DNAH12: variants seen among roughly 807,000 people sequenced by gnomAD.
DNAH12 encodes axonemal beta dynein heavy chain 12.
In DNAH12, 285 loss-of-function variants were observed where a neutral mutation model predicts 371.5. That is an observed-to-expected ratio of 0.77 (90% CI 0.70 to 0.85). The LOEUF is 0.85. Among genes scored for constraint, DNAH12 ranks in the 40% least tolerant of loss-of-function variants. The pLI is 0.00. For synonymous variants in DNAH12, 1,200 were observed against 1,213.0 expected, an observed-to-expected ratio of 0.99 and a Z score of 0.22; for missense variants, 3,611 against 3,689.4, an observed-to-expected ratio of 0.98 and a Z score of 0.55.
At chr3:57,420,796 C>G (rs934516192) in intron 36 of DNAH12, among the ~76,000 whole-genome samples, 1 of 150,912 alleles carries the variant, frequency 6.6e-6, no homozygotes, top group Non-Finnish European at 1.5e-5. Flanking sequence ...GTAGTCCCAG[C>G]TACTCGGGAG....
intron 35 of DNAH12, among the ~76,000 whole-genome samples, chr3:57,424,113 C>T (rs1351760278): frequency 6.6e-6 from 1 of 152,100 alleles, no homozygotes; most frequent in Non-Finnish European, 1.5e-5. Context: ...AATTAATTCA[C>T]CTAATGTCCA....
Position 57,403,521 on chromosome 3 carries a change from TTA to T in DNAH12, c.6756-22_6756-21del, listed in dbSNP as rs1388896788. ...ACATACCTACCACAAAAGAAAAATT[TTA>T]TTAATGCATTACAATATAAATGTAA... On this transcript the variant is annotated intron_variant, in intron 42 of 73. Coordinates refer to ENST00000495027, the MANE Select transcript of DNAH12 (RefSeq NM_001366028.2). 4.6e-6 allele frequency: 7 copies of T among 1,529,284 alleles called. No individual in the cohort carries two copies. The highest frequency in any genetic ancestry group is 6.2e-6 in the Non-Finnish European group (7 of 1,135,918). 94.7% of individuals were successfully genotyped at this position (1,529,284 alleles called of 1,614,324 possible). A position where few individuals can be genotyped will look rare whatever the true frequency, so the allele number is the denominator to read the frequency against.
At chr3:57,536,955 C>T (rs2069070647) in intron 2 of DNAH12, among the ~76,000 whole-genome samples, 1 of 152,244 alleles carries the variant, frequency 6.6e-6, no homozygotes, top group Non-Finnish European at 1.5e-5. Context: ...GCTCCCAGCA[C>T]TTTGGGAGGC....
intron 57 of DNAH12, among the ~76,000 whole-genome samples, chr3:57,366,128 G>GA (rs1323391740): frequency 2.6e-5 from 4 of 152,116 alleles, no homozygotes; most frequent in African/African-American, 9.7e-5. Context: ...TGATAAAACA[G>GA]ATTACAGTAA....
intron 30 of DNAH12, among the ~76,000 whole-genome samples, chr3:57,436,267 C>T (rs1022648790): frequency 1.3e-5 from 2 of 152,084 alleles, no homozygotes; most frequent in Non-Finnish European, 2.9e-5. Flanking sequence ...TCCATAGCCA[C>T]TTTAATGACA....
intron 60 of DNAH12, among the ~76,000 whole-genome samples, chr3:57,335,966 A>G (rs1215008193): frequency 2.0e-5 from 3 of 152,224 alleles, no homozygotes; most frequent in African/African-American, 7.2e-5. Flanking sequence ...TACTGTAAGA[A>G]AGCTTAAACA....
chr3:57,454,814 CCAG>C lies in DNAH12; in HGVS notation c.3414_3416del (p.Phe1138_Trp1139delinsLeu). ...TTATCACTTCCTGTGTCTCAGATGT[CCAG>C]AACATTTGAGAAATACAAAGTACAA... On this transcript the variant is annotated inframe_deletion, in exon 23 of 74. Transcript: ENST00000495027. The C allele has an allele frequency of 6.4e-7, 1 of 1,551,376 alleles. No homozygotes were observed. The highest frequency in any genetic ancestry group is 2.0e-5 in the Admixed American group (1 of 50,984).
intron 11 of DNAH12, among the ~76,000 whole-genome samples, chr3:57,499,647 A>AAATATATATATATATATATAT (rs1451248906): frequency 1.1e-4 from 2 of 17,958 alleles, no homozygotes; most frequent in Non-Finnish European, 2.4e-4. Flanking sequence ...AAAAAAAAAA[A>AAATATATATATATATATATAT]ATATATATAT....
rs1371190192 is a variant in DNAH12, at chr3:57,510,994, A to C, written c.280-15T>G. 6.4e-6 allele frequency: 10 copies of C among 1,570,164 alleles called. No homozygotes were observed. The Admixed American group carries it at 2.1e-4, about 33-fold the overall frequency. On this transcript the variant is annotated splice_polypyrimidine_tract_variant and intron_variant, in intron 4 of 73. Transcript: ENST00000495027. The stretch of plus-strand genomic sequence containing the variant: ...ATATAGTTGAACTGAGAACATAAGA[A>C]AAAATTAAATGTTCTGCATGGTTGT...
intron 60 of DNAH12, among the ~76,000 whole-genome samples, chr3:57,339,470 T>TA (rs2062338890): frequency 6.6e-6 from 1 of 152,008 alleles, no homozygotes; most frequent in South Asian, 2.1e-4. Flanking sequence ...ATAAACTTGT[T>TA]AAAGGATACA....
At chr3:57,551,462 G>A in the DNAH12 span, among the ~76,000 whole-genome samples, 2 of 151,454 alleles carry the variant, frequency 1.3e-5, no homozygotes. Context: ...TAGTAGAGAC[G>A]GGGTTTCGCC....
intron 55 of DNAH12, among the ~76,000 whole-genome samples, chr3:57,369,615 C>T (rs897550281): frequency 2.5e-4 from 38 of 152,088 alleles, no homozygotes; most frequent in Middle Eastern, 3.4e-3. Flanking sequence ...AAGGTCCAGA[C>T]GGTACTTAAA....
At chr3:57,410,806 A>T (rs1404924557) in intron 39 of DNAH12, among the ~76,000 whole-genome samples, 1 of 138,708 alleles carries the variant, frequency 7.2e-6, no homozygotes, top group Non-Finnish European at 1.5e-5. Flanking sequence ...ACAGAGCAAG[A>T]CTTTGTCTCA....
At chr3:57,477,774 G>A (rs947797100) in intron 13 of DNAH12, among the ~76,000 whole-genome samples, 1 of 152,152 alleles carries the variant, frequency 6.6e-6, no homozygotes, top group Non-Finnish European at 1.5e-5. Context: ...ACCAATATCC[G>A]CTGTTCTGCA....
At chr3:57,376,184 T>G (rs1372834423) in intron 53 of DNAH12, among the ~76,000 whole-genome samples, 4 of 151,896 alleles carry the variant, frequency 2.6e-5, no homozygotes, top group Non-Finnish European at 5.9e-5. Context: ...TATTAGAATA[T>G]TAGACATTTC....
intron 16 of DNAH12, 122 bp from the exon 17 acceptor site, chr3:57,469,101 A>G (rs1575644527): frequency 1.1e-6 from 1 of 887,174 alleles, no homozygotes; most frequent in East Asian, 2.9e-5. Flanking sequence ...AGCTGTTAAC[A>G]GTTTTTCTCA....
intron 57 of DNAH12, among the ~76,000 whole-genome samples, chr3:57,365,493 A>C (rs2063031119): frequency 6.6e-6 from 1 of 152,294 alleles, no homozygotes; most frequent in South Asian, 2.1e-4. Flanking sequence ...CAGGAAAAAT[A>C]GCTAATGCAT....
At chr3:57,406,314 G>A (rs979775518) in intron 40 of DNAH12, among the ~76,000 whole-genome samples, 58 of 142,206 alleles carry the variant, frequency 4.1e-4, no homozygotes, top group African/African-American at 1.4e-3. Flanking sequence ...CCAAGATCAC[G>A]CCATTGCACT....
At chr3:57,413,710 A>G (rs2064275942) in intron 39 of DNAH12, 36 bp downstream of exon 39, 1 of 1,524,950 alleles carries the variant, frequency 6.6e-7, no homozygotes, top group Non-Finnish European at 8.8e-7. Context: ...AAACTGAGGT[A>G]TAACTTCAGC....
Sources: gnomAD v4.1 joint callset for allele counts (sites outside exome capture counted in the v4.1 genomes callset) on GRCh38, gnomAD v4.1.1 for gene constraint, MANE v1.5 for transcripts, NCBI Gene and HGNC (gene_info 2026-07-23, HGNC 2026-07-21) for gene names.